The following KPNA7 variants were observed in gnomAD, a reference collection of about 807,000 sequenced individuals.
KPNA7 encodes the protein importin subunit alpha-8.
KPNA7 carries 54 observed loss-of-function variants against 53.7 expected under a neutral mutation model. That is an observed-to-expected ratio of 1.01 (90% CI 0.81 to 1.26). The LOEUF is 1.26. Ranked by LOEUF, KPNA7 falls within the 50% of genes most tolerant of loss-of-function variation. The pLI, the probability that KPNA7 is intolerant of heterozygous loss-of-function variation, is 0.00. For missense variants in KPNA7, 640 were observed against 644.5 expected (o/e 0.99, Z 0.07); for synonymous variants, 276 against 259.3 (o/e 1.06, Z -0.62).
upstream of KPNA7, among the ~76,000 whole-genome samples, chr7:99,208,120 G>A (rs1423081059): frequency 1.3e-5 from 2 of 151,222 alleles, no homozygotes; most frequent in South Asian, 2.1e-4. Flanking sequence ...TCTGTCACCC[G>A]GGCTGGAGTG....
the KPNA7 span, among the ~76,000 whole-genome samples, chr7:99,158,560 G>A: frequency 3.9e-5 from 6 of 152,108 alleles, no homozygotes; most frequent in African/African-American, 9.7e-5. Flanking sequence ...CTGGAGTGCA[G>A]TGGCACGATC....
intron 2 of KPNA7, among the ~76,000 whole-genome samples, chr7:99,204,057 T>A (rs1253724529): frequency 6.6e-6 from 1 of 151,954 alleles, no homozygotes; most frequent in Non-Finnish European, 1.5e-5. Flanking sequence ...AAAGCCTTCA[T>A]CCCCAAGTCT....
chr7:99,183,370 T>C (rs997985224), intron 8 of KPNA7, among the ~76,000 whole-genome samples: 5 of 152,114 alleles, frequency 3.3e-5, no homozygotes, highest in African/African-American at 1.2e-4. Flanking sequence ...TCCCATTTTA[T>C]GGTTGGGGAA....
At position 99,185,031 on chromosome 7, in the gene KPNA7, C is replaced by A; in HGVS notation, c.1032G>T (p.Glu344Asp). The stretch of plus-strand genomic sequence containing the variant: ...CTACGTTGCTCAGGGCCCAGGCTGC[C>A]TCCTTCTGGATGGAGGGCTTGTTGT... The part of the protein sequence containing the change: ...LQHNKPSIQK[E>D]AAWALSNVAA... The change falls in exon 8 of 11, where the codon GAG becomes GAT. Residue 344 changes from glutamate (E) to aspartate (D), a missense_variant. Coordinates refer to ENST00000327442, the MANE Select transcript of KPNA7 (RefSeq NM_001145715.3). 1 of 1,551,904 alleles carries A rather than the reference C, an allele frequency of 6.4e-7. No homozygotes were observed. Among genetic ancestry groups the A allele is most frequent in the Non-Finnish European group, 8.7e-7 (1 of 1,147,026 alleles).
chr7:99,184,708 T>C (rs1375948086), intron 8 of KPNA7, among the ~76,000 whole-genome samples: 1 of 152,196 alleles, frequency 6.6e-6, no homozygotes, highest in Non-Finnish European at 1.5e-5. Flanking sequence ...TGGGGTCACC[T>C]TGTCATTGAA....
the KPNA7 span, among the ~76,000 whole-genome samples, chr7:99,153,728 T>C: frequency 1.3e-5 from 2 of 151,372 alleles, no homozygotes; most frequent in Non-Finnish European, 2.9e-5. Context: ...CAGCACTTTA[T>C]GGGGCCAAGG....
chr7:99,203,217 C>A lies in KPNA7; in HGVS notation c.90G>T (p.Ala30=). The change falls in exon 3 of 11, where the codon GCG becomes GCT. Residue 30 remains alanine, a synonymous_variant. Transcript: ENST00000327442. The part of the protein sequence containing the change: ...DVSLRRQQRM[A]VSLELRKAKK... The stretch of plus-strand genomic sequence containing the variant: ...TGGCCTTTCGGAGCTCCAGACTGAC[C>A]GCCATCCTCTGCTGTCGCCTCAGCT... 6.4e-7 allele frequency: 1 copy of A among 1,551,616 alleles called. No individual in the cohort carries two copies. The highest frequency in any genetic ancestry group is 8.7e-7 in the Non-Finnish European group (1 of 1,146,874).
intron 2 of KPNA7, among the ~76,000 whole-genome samples, chr7:99,206,537 C>T (rs910148492): frequency 3.9e-5 from 6 of 152,130 alleles, no homozygotes; most frequent in Non-Finnish European, 5.9e-5. Flanking sequence ...GGCACAATCA[C>T]AGTTCACTGC....
chr7:99,217,181 T>A (rs1006348147), intron 1 of KPNA7, among the ~76,000 whole-genome samples: 1 of 152,188 alleles, frequency 6.6e-6, no homozygotes, highest in Admixed American at 6.6e-5. Flanking sequence ...ACCCCACTCC[T>A]CCACCAAGTT....
At chr7:99,203,792 C>T (rs545386197) in intron 2 of KPNA7, among the ~76,000 whole-genome samples, 1 of 152,110 alleles carries the variant, frequency 6.6e-6, no homozygotes, top group Non-Finnish European at 1.5e-5. Flanking sequence ...CCCACTACAA[C>T]CTCTGCCTCT....
At chr7:99,217,054 T>A (rs1283497235) in intron 1 of KPNA7, among the ~76,000 whole-genome samples, 4 of 152,236 alleles carry the variant, frequency 2.6e-5, no homozygotes, top group Non-Finnish European at 5.9e-5. Flanking sequence ...TTAAGACATG[T>A]CATCATCCAA....
upstream of KPNA7, among the ~76,000 whole-genome samples, chr7:99,211,810 T>C (rs1309085859): frequency 6.6e-6 from 1 of 152,166 alleles, no homozygotes; most frequent in East Asian, 1.9e-4. Context: ...TGGGAAAGAA[T>C]AGCCTATATA....
At chr7:99,206,146 G>A (rs531582097) in intron 2 of KPNA7, among the ~76,000 whole-genome samples, 11 of 152,206 alleles carry the variant, frequency 7.2e-5, no homozygotes, top group African/African-American at 2.2e-4. Context: ...CCAGCTCCTC[G>A]GAGATAAATA....
the KPNA7 span, among the ~76,000 whole-genome samples, chr7:99,153,128 C>T: frequency 8.5e-5 from 13 of 152,218 alleles, no homozygotes; most frequent in East Asian, 1.5e-3. Flanking sequence ...CATCTTTCCC[C>T]GAAGGAGTTT....
In KPNA7 at chr7:99,195,119, G is replaced by A. The variant is rs1371105490; in HGVS notation, c.504C>T (p.Ser168=). 1 of 1,551,564 alleles carries A rather than the reference G, an allele frequency of 6.4e-7. No individual in the cohort carries two copies. Residue 168 remains serine (S), a synonymous_variant, in exon 5 of 11, where the codon TCC becomes TCT. Transcript: ENST00000327442. ...CTGCCTGTTCACACACAGCCACGTT[G>A]GAGGAAGACAGGAGCTCAATCAAGG... ...IQPLIELLSS[S]NVAVCEQAVW...
At chr7:99,193,393 G>C (rs1409204512) in intron 5 of KPNA7, among the ~76,000 whole-genome samples, 1 of 152,200 alleles carries the variant, frequency 6.6e-6, no homozygotes, top group East Asian at 1.9e-4. Context: ...GAAGACGAAG[G>C]CTGGTCCAGA....
At chr7:99,203,609 C>G (rs891572829) in intron 2 of KPNA7, among the ~76,000 whole-genome samples, 2 of 152,034 alleles carry the variant, frequency 1.3e-5, no homozygotes, top group African/African-American at 4.8e-5. Flanking sequence ...TGTACCCAGG[C>G]CTTTTCGGTG....
At chr7:99,160,173 C>T in the KPNA7 span, among the ~76,000 whole-genome samples, 7 of 151,106 alleles carry the variant, frequency 4.6e-5, no homozygotes, top group South Asian at 6.3e-4. Flanking sequence ...TACAGGTGCC[C>T]GCCACCATGC....
At chr7:99,156,366 A>AGG in the KPNA7 span, among the ~76,000 whole-genome samples, 8 of 152,116 alleles carry the variant, frequency 5.3e-5, no homozygotes, top group Non-Finnish European at 1.2e-4. Context: ...TCATTCTTTT[A>AGG]TAGGTAATCT....
Sources: allele counts gnomAD v4.1 joint callset (sites outside exome capture counted in the v4.1 genomes callset), GRCh38; gene constraint gnomAD v4.1.1; transcripts MANE v1.5; gene names NCBI Gene and HGNC (gene_info 2026-07-23, HGNC 2026-07-21).